The following PDS5B variants were observed in gnomAD, a reference collection of about 807,000 sequenced individuals.
PDS5B encodes PDS5 cohesin associated factor B.
Under a neutral mutation model 184.1 loss-of-function variants are expected in PDS5B, and 51 were observed. That is an observed-to-expected ratio of 0.28 (90% confidence interval 0.22 to 0.35). The LOEUF (loss-of-function observed/expected upper bound fraction) is 0.35, where lower values mean the gene tolerates loss of function less well. Among genes scored for constraint, PDS5B ranks in the 10% least tolerant of loss-of-function variants. PDS5B has a pLI of 1.00. For synonymous variants in PDS5B, 566 were observed against 569.2 expected (o/e 0.99, Z 0.08); for missense variants, 1,180 against 1,723.3 (o/e 0.68, Z 5.58).
intron 11 of PDS5B, among the ~76,000 whole-genome samples, chr13:32,686,841 A>G (rs1022258256): frequency 3.9e-5 from 6 of 152,160 alleles, no homozygotes; most frequent in African/African-American, 1.4e-4. Flanking sequence ...AAGTCACAGT[A>G]TGTAGAGTAT....
intron 3 of PDS5B, among the ~76,000 whole-genome samples, chr13:32,653,810 C>T (rs1000382743): frequency 6.6e-6 from 1 of 152,146 alleles, no homozygotes; most frequent in African/African-American, 2.4e-5. Flanking sequence ...TTGATAGTGG[C>T]TGTGGCTCTC....
At chr13:32,704,590 A>ATTTGATTTGAGGTG (rs1951953493) in intron 17 of PDS5B, among the ~76,000 whole-genome samples, 1 of 152,222 alleles carries the variant, frequency 6.6e-6, no homozygotes, top group Non-Finnish European at 1.5e-5. Flanking sequence ...ATTGATTCTC[A>ATTTGATTTGAGGTG]TTTGATTTGA....
intron 5 of PDS5B, 66 bp from the exon 6 acceptor site, chr13:32,659,088 G>A (rs1166201653): frequency 2.5e-6 from 3 of 1,193,432 alleles, no homozygotes; most frequent in Non-Finnish European, 2.3e-6. Flanking sequence ...GCTTGTCAGT[G>A]TCATCTTAAG....
At position 32,701,426 on chromosome 13, in the gene PDS5B, C is replaced by T; in HGVS notation, c.1844C>T (p.Thr615Ile). The change falls in exon 17 of 35, where the codon ACC (threonine) becomes ATC (isoleucine). Residue 615 changes from threonine to isoleucine, a missense_variant. Physicochemically the swap from Thr to Ile is moderately conservative, Grantham distance 89 (BLOSUM62 -1). This residue lies in a region of PDS5B where 475 missense variants were observed against 691.5 expected (regional missense o/e 0.69). Transcript: ENST00000315596. ...AGGATAGCACCTGTGCACATAGATA[C>T]CGAATCTATCAGGTATTTGTATATA... ...LERIAPVHID[T>I]ESISALIKQV... 1 of 1,573,678 alleles carries T rather than the reference C, an allele frequency of 6.4e-7. No homozygotes were observed. The highest frequency in any genetic ancestry group is 8.7e-7 in the Non-Finnish European group (1 of 1,146,702).
intron 24 of PDS5B, among the ~76,000 whole-genome samples, chr13:32,751,093 C>T (rs1320948517): frequency 1.3e-5 from 2 of 152,112 alleles, no homozygotes; most frequent in African/African-American, 4.8e-5. Flanking sequence ...CATGTGTACT[C>T]AATGTTTAGC....
chr13:32,758,982 G>A (rs949999868), intron 28 of PDS5B, among the ~76,000 whole-genome samples: 3 of 152,044 alleles, frequency 2.0e-5, no homozygotes, highest in Non-Finnish European at 2.9e-5. Context: ...GCCCTTTATT[G>A]GGATTTATAA....
At chr13:32,631,357 T>C (rs957734511) in intron 1 of PDS5B, among the ~76,000 whole-genome samples, 10 of 152,178 alleles carry the variant, frequency 6.6e-5, no homozygotes, top group Admixed American at 6.5e-4. Context: ...CCTCCCAAAG[T>C]GTTAGGATTA....
intron 1 of PDS5B, among the ~76,000 whole-genome samples, chr13:32,622,349 G>A (rs553034500): frequency 6.6e-6 from 1 of 151,952 alleles, no homozygotes; most frequent in Non-Finnish European, 1.5e-5. Flanking sequence ...CCTAACATAT[G>A]GAAATGACTT....
chr13:32,716,870 C>T lies in PDS5B; in HGVS notation c.2123+6764C>T, dbSNP rs1398480914. On this transcript the variant is annotated intron_variant, in intron 19 of 34. Coordinates refer to ENST00000315596, the MANE Select transcript of PDS5B (RefSeq NM_015032.4). ...GGGGTCAGCCCCCCGCCCGGCCAGC[C>T]GCCCCGTCCGGGAGGTGAGGGGTGC... is the stretch of plus-strand genomic sequence containing the variant. 3.7e-3 allele frequency among the ~76,000 whole-genome samples: 446 copies of T among 121,334 alleles called. 22 individuals are homozygous for T. The highest frequency in any genetic ancestry group is 6.4e-3 in the Non-Finnish European group (342 of 53,614). 79.6% of individuals were successfully genotyped at this position (121,334 alleles called of 152,430 possible). A position where few individuals can be genotyped will look rare whatever the true frequency, so the allele number is the denominator to read the frequency against.
At chr13:32,766,195 A>G (rs1414499703) in intron 31 of PDS5B, among the ~76,000 whole-genome samples, 6 of 152,226 alleles carry the variant, frequency 3.9e-5, no homozygotes, top group Admixed American at 3.9e-4. Flanking sequence ...GGAAAAGTCA[A>G]CTAGGTCACT....
intron 1 of PDS5B, among the ~76,000 whole-genome samples, chr13:32,605,748 T>C (rs942561112): frequency 1.3e-5 from 2 of 152,090 alleles, no homozygotes; most frequent in Non-Finnish European, 2.9e-5. Context: ...TGAATCTGGG[T>C]GCTCCTGTAT....
At chr13:32,666,567 A>G (rs759918569) in intron 6 of PDS5B, among the ~76,000 whole-genome samples, 3 of 151,706 alleles carry the variant, frequency 2.0e-5, no homozygotes, top group African/African-American at 2.4e-5. Context: ...TAGCACATGT[A>G]TCCCCAGAAT....
intron 18 of PDS5B, among the ~76,000 whole-genome samples, chr13:32,707,418 TTAGAA>T (rs1487854179): frequency 1.1e-4 from 17 of 152,100 alleles, no homozygotes; most frequent in African/African-American, 4.1e-4. Flanking sequence ...ATTGACAACT[TTAGAA>T]TATATAAAAT....
rs901192346 is a variant in PDS5B, at chr13:32,645,598, C to G, written c.-19-3156C>G. On this transcript the variant is annotated intron_variant, in intron 1 of 34. Coordinates refer to ENST00000315596, the MANE Select transcript of PDS5B (RefSeq NM_015032.4). The stretch of plus-strand genomic sequence containing the variant: ...ATATTATCAAATTTATAAGATTGAC[C>G]TGTGATTTTTGACTTTGTTGATCCT... Among the ~76,000 whole-genome samples, 8 of 152,118 alleles carry G rather than the reference C, an allele frequency of 5.3e-5. No individual in the cohort carries two copies. In the East Asian group the frequency reaches 1.4e-3, roughly 26 times the overall value.
chr13:32,622,007 ATGTT>A (rs1342487646), intron 1 of PDS5B, among the ~76,000 whole-genome samples: 2 of 151,436 alleles, frequency 1.3e-5, no homozygotes, highest in Non-Finnish European at 2.9e-5. Context: ...TTTTTCCCTA[ATGTT>A]AATCTCTTTT....
At chr13:32,701,762 C>A (rs1951869566) in intron 17 of PDS5B, among the ~76,000 whole-genome samples, 1 of 152,082 alleles carries the variant, frequency 6.6e-6, no homozygotes, top group African/African-American at 2.4e-5. Flanking sequence ...ATACCAGACA[C>A]TCTTTGTTTT....
intron 1 of PDS5B, among the ~76,000 whole-genome samples, chr13:32,605,938 C>T (rs1032275733): frequency 4.0e-5 from 6 of 151,658 alleles, no homozygotes; most frequent in Admixed American, 1.3e-4. Flanking sequence ...TCCTCCATCC[C>T]TTTATTTTGA....
intron 1 of PDS5B, among the ~76,000 whole-genome samples, chr13:32,646,730 A>G (rs1458354960): frequency 3.3e-5 from 5 of 152,056 alleles, no homozygotes; most frequent in Admixed American, 3.3e-4. Context: ...CTGATTGTGT[A>G]TATTACATAC....
chr13:32,593,653 T>G (rs1261570038), intron 1 of PDS5B, among the ~76,000 whole-genome samples: 1 of 152,228 alleles, frequency 6.6e-6, no homozygotes, highest in African/African-American at 2.4e-5. Flanking sequence ...CATTCTGTAT[T>G]CTTAAAGCAA....
Sources: gnomAD v4.1 joint callset for allele counts (sites outside exome capture counted in the v4.1 genomes callset) on GRCh38, gnomAD v4.1.1 for gene constraint, gnomAD v4.1.1 regional missense constraint, MANE v1.5 for transcripts, NCBI Gene and HGNC (gene_info 2026-07-23, HGNC 2026-07-21) for gene names.